The following SFMBT2 variants were observed in gnomAD, a reference collection of about 807,000 sequenced individuals.
SFMBT2 encodes the protein scm-like with four MBT domains protein 2.
SFMBT2 carries 38 observed loss-of-function variants against 110.1 expected under a neutral mutation model. That is an observed-to-expected ratio of 0.35 (90% CI 0.27 to 0.45). The LOEUF (loss-of-function observed/expected upper bound fraction) is 0.45, where lower values mean the gene tolerates loss of function less well. Among genes scored for constraint, SFMBT2 ranks in the 20% least tolerant of loss-of-function variants. SFMBT2 has a pLI of 1.00. For synonymous variants in SFMBT2, 425 were observed against 425.4 expected, an observed-to-expected ratio of 1.00 and a Z score of 0.01; for missense variants, 1,011 against 1,094.9, an observed-to-expected ratio of 0.92 and a Z score of 1.08.
chr10:7,387,000 T>A (rs1314034906), intron 1 of SFMBT2, among the ~76,000 whole-genome samples: 2 of 152,158 alleles, frequency 1.3e-5, no homozygotes, highest in Admixed American at 6.5e-5. Flanking sequence ...CAATTACAGT[T>A]CCCTTTCCCC....
intron 9 of SFMBT2, among the ~76,000 whole-genome samples, chr10:7,242,947 C>G (rs1014468259): frequency 1.3e-5 from 2 of 152,212 alleles, no homozygotes; most frequent in African/African-American, 4.8e-5. Flanking sequence ...CTCTTAGTCT[C>G]ACCTCTCATC....
At position 7,229,189 on chromosome 10, in the gene SFMBT2, C is replaced by T. The variant is rs141909919; in HGVS notation, c.1121-1252G>A. Among the ~76,000 whole-genome samples the T allele has an allele frequency of 3.5e-3, 533 of 152,274 alleles. 5 individuals are homozygous for T. Among genetic ancestry groups the T allele is most frequent in the African/African-American group, 0.012 (498 of 41,554 alleles). The stretch of plus-strand genomic sequence containing the variant: ...TCCAAATCCCCCAGTTTCTTTTCCC[C>T]ATATTGTCACAGATTCTATGAGTGC... On this transcript the variant is annotated intron_variant, in intron 9 of 20. Coordinates refer to ENST00000397167, the MANE Select transcript of SFMBT2 (RefSeq NM_001387889.1).
At chr10:7,235,492 A>C (rs1840225046) in intron 9 of SFMBT2, among the ~76,000 whole-genome samples, 2 of 151,754 alleles carry the variant, frequency 1.3e-5, no homozygotes, top group Admixed American at 1.3e-4. Context: ...ACCTTAACAC[A>C]ACTTCAAACA....
At chr10:7,365,622 T>C (rs913244091) in intron 4 of SFMBT2, among the ~76,000 whole-genome samples, 2 of 152,182 alleles carry the variant, frequency 1.3e-5, no homozygotes, top group Non-Finnish European at 2.9e-5. Context: ...GATCAGTCCA[T>C]GCCAGAGAAT....
At chr10:7,178,439 C>T (rs1365996967) in intron 16 of SFMBT2, among the ~76,000 whole-genome samples, 1 of 152,184 alleles carries the variant, frequency 6.6e-6, no homozygotes, top group African/African-American at 2.4e-5. Context: ...AATCCAAAAA[C>T]GTCAACAAAC....
chr10:7,383,336 C>A (rs1263245607), intron 1 of SFMBT2, among the ~76,000 whole-genome samples: 1 of 152,000 alleles, frequency 6.6e-6, no homozygotes, highest in African/African-American at 2.4e-5. Flanking sequence ...AGACCCCCAT[C>A]TCTAAATAAA....
At chr10:7,281,009 G>T (rs1214231282) in intron 6 of SFMBT2, among the ~76,000 whole-genome samples, 1 of 152,224 alleles carries the variant, frequency 6.6e-6, no homozygotes, top group African/African-American at 2.4e-5. Context: ...GGAAGGCTGA[G>T]GTGGGCAGGT....
At chr10:7,394,699 T>C (rs998722352) in intron 1 of SFMBT2, among the ~76,000 whole-genome samples, 1 of 152,142 alleles carries the variant, frequency 6.6e-6, no homozygotes, top group Non-Finnish European at 1.5e-5. Flanking sequence ...AAATTTTTCA[T>C]AAACTGTCTA....
rs1842550565 is a variant in SFMBT2, at chr10:7,301,323, C to T, written c.437-15369G>A. ...TATGGACTAGTTGCCAGTCCCTCTACAGGGATCGTTTTGAAAGGAGAGATG... is the reference window on the plus strand; with the variant it reads ...TATGGACTAGTTGCCAGTCCCTCTATAGGGATCGTTTTGAAAGGAGAGATG... On this transcript the variant is annotated intron_variant, in intron 4 of 20. Transcript: ENST00000397167. This position sits in a 1 kb window ranked among gnomAD's most constrained non-coding sequence, Gnocchi z 4.2. Among the ~76,000 whole-genome samples the T allele has an allele frequency of 6.6e-6, 1 of 152,240 alleles. No homozygotes were observed. The highest frequency in any genetic ancestry group is 2.1e-4 in the South Asian group (1 of 4,828).
intron 13 of SFMBT2, among the ~76,000 whole-genome samples, chr10:7,201,877 G>A (rs1263863229): frequency 6.6e-6 from 1 of 152,230 alleles, no homozygotes; most frequent in Non-Finnish European, 1.5e-5. Flanking sequence ...TGAAATGGGG[G>A]ACAGGGCATA....
chr10:7,162,560 T>C lies in SFMBT2; in HGVS notation c.*1210A>G, dbSNP rs982367785. 30 of 152,282 alleles carry C rather than the reference T, an allele frequency of 2.0e-4. No individual in the cohort carries two copies. Among genetic ancestry groups the C allele is most frequent in the African/African-American group, 7.2e-4 (30 of 41,466 alleles). The allele number at this position is 152,282 out of a possible 1,614,324, so 9.4% of individuals were successfully genotyped here. ...CAGAAGGGACGCTCAGAGGGACTCC[T>C]GCTCGGTGACCTGCTGCAGTGATCC... On this transcript the variant is annotated 3_prime_UTR_variant, in exon 21 of 21. Coordinates refer to ENST00000397167, the MANE Select transcript of SFMBT2 (RefSeq NM_001387889.1).
chr10:7,216,431 C>T (rs901441896), intron 11 of SFMBT2, among the ~76,000 whole-genome samples: 1 of 152,178 alleles, frequency 6.6e-6, no homozygotes, highest in African/African-American at 2.4e-5. Flanking sequence ...CTGCCGCCGC[C>T]ATGTAAGACG....
At chr10:7,378,104 T>A (rs1220341326) in intron 2 of SFMBT2, among the ~76,000 whole-genome samples, 1 of 139,330 alleles carries the variant, frequency 7.2e-6, no homozygotes, top group Non-Finnish European at 1.5e-5. Flanking sequence ...TGTGAGTGTA[T>A]GGATGGGTGG....
chr10:7,395,716 T>C (rs75721447), intron 1 of SFMBT2, among the ~76,000 whole-genome samples: 9 of 150,740 alleles, frequency 6.0e-5, no homozygotes, highest in Non-Finnish European at 1.3e-4. Context: ...TTTTTTTTTT[T>C]AATGCTTGTA....
chr10:7,326,404 C>T (rs192732803), intron 4 of SFMBT2, among the ~76,000 whole-genome samples: 114 of 152,290 alleles, frequency 7.5e-4, no homozygotes, highest in Non-Finnish European at 1.0e-3. Context: ...GAAATGCCAG[C>T]GGCACCTGCC....
chr10:7,226,620 A>G (rs972646248), intron 10 of SFMBT2, among the ~76,000 whole-genome samples: 1 of 152,246 alleles, frequency 6.6e-6, no homozygotes, highest in Non-Finnish European at 1.5e-5. Flanking sequence ...AAGCATGTTG[A>G]ACACAGTAGA....
At chr10:7,409,654 C>A (rs1438714915) in intron 1 of SFMBT2, among the ~76,000 whole-genome samples, 2 of 151,942 alleles carry the variant, frequency 1.3e-5, no homozygotes, top group African/African-American at 2.4e-5. Context: ...AAAAAAAAAA[C>A]CGGACAGCCC....
At chr10:7,303,655 C>A (rs1335895743) in intron 4 of SFMBT2, among the ~76,000 whole-genome samples, 1 of 152,150 alleles carries the variant, frequency 6.6e-6, no homozygotes, top group East Asian at 1.9e-4. Flanking sequence ...ATTTCAATAA[C>A]CCCAATAAAA....
intron 7 of SFMBT2, among the ~76,000 whole-genome samples, chr10:7,258,665 A>T (rs987927506): frequency 5.3e-5 from 8 of 152,226 alleles, no homozygotes; most frequent in African/African-American, 1.2e-4. Context: ...TCAGCATGCC[A>T]GGTCCCGCTG....
Sources: gnomAD v4.1 joint callset for allele counts (sites outside exome capture counted in the v4.1 genomes callset) on GRCh38, gnomAD v4.1.1 for gene constraint, Gnocchi (gnomAD v3.1) non-coding constraint, MANE v1.5 for transcripts, NCBI Gene and HGNC (gene_info 2026-07-23, HGNC 2026-07-21) for gene names.